Variants in CDYL observed in about 807,000 individuals in gnomAD.
CDYL encodes chromodomain Y-like protein.
Under a neutral mutation model 47.3 loss-of-function variants are expected in CDYL, and 8 were observed. The ratio of observed to expected loss-of-function variants is 0.17; its 90% confidence interval spans 0.10 to 0.31. The LOEUF is 0.31. CDYL is among the 10% of genes least tolerant of loss of function. The probability of loss-of-function intolerance (pLI) is 1.00; values close to 1 mark genes in which losing one functional copy is unlikely to be tolerated. For missense variants in CDYL, 471 were observed against 701.4 expected, an observed-to-expected ratio of 0.67 and a Z score of 3.71; for synonymous variants, 266 against 265.0, an observed-to-expected ratio of 1.00 and a Z score of -0.04.
At chr6:4,769,146 T>C (rs1291837689) in intron 3 of CDYL, among the ~76,000 whole-genome samples, 2 of 152,108 alleles carry the variant, frequency 1.3e-5, no homozygotes, top group East Asian at 3.9e-4. Context: ...AAAAGAAAAT[T>C]AGGTAAAAAC....
chr6:4,852,394 C>CA (rs1760860838), intron 1 of CDYL, among the ~76,000 whole-genome samples: 1 of 130,040 alleles, frequency 7.7e-6, no homozygotes, highest in African/African-American at 3.9e-5. Flanking sequence ...ATCTTCCTTC[C>CA]TTCCTCCTTC....
intron 2 of CDYL, among the ~76,000 whole-genome samples, chr6:4,934,995 C>T (rs1412267573): frequency 6.6e-6 from 1 of 152,206 alleles, no homozygotes; most frequent in Non-Finnish European, 1.5e-5. Context: ...TCCTGAGTGT[C>T]CCACAGGGGT....
chr6:4,715,897 A>T (rs938837764), intron 2 of CDYL: 3 of 1,611,302 alleles, frequency 1.9e-6, no homozygotes, highest in Non-Finnish European at 1.7e-6. Flanking sequence ...AACTTGCAGG[A>T]ATCAAATTAG....
chr6:4,747,940 C>T (rs545977889), intron 3 of CDYL, among the ~76,000 whole-genome samples: 5 of 152,290 alleles, frequency 3.3e-5, no homozygotes, highest in Non-Finnish European at 4.4e-5. Flanking sequence ...AGAGAAATGT[C>T]GTACCTTCTC....
chr6:4,787,655 C>T (rs1229641159), intron 1 of CDYL, among the ~76,000 whole-genome samples: 1 of 151,698 alleles, frequency 6.6e-6, no homozygotes, highest in Non-Finnish European at 1.5e-5. Flanking sequence ...CTGAGCTGGG[C>T]AGCTTCATGG....
At chr6:4,813,643 G>A (rs1759588165) in intron 1 of CDYL, among the ~76,000 whole-genome samples, 2 of 152,352 alleles carry the variant, frequency 1.3e-5, no homozygotes, top group Middle Eastern at 3.4e-3. Context: ...ATGTGCACAT[G>A]CTGTTCTGGT....
intron 2 of CDYL, among the ~76,000 whole-genome samples, chr6:4,915,345 G>C (rs1757526898): frequency 6.6e-6 from 1 of 152,124 alleles, no homozygotes; most frequent in Non-Finnish European, 1.5e-5. Flanking sequence ...GGGTTGTTTT[G>C]GGTGTTTGAT....
At chr6:4,762,523 A>C (rs1339370135) in intron 3 of CDYL, among the ~76,000 whole-genome samples, 1 of 152,040 alleles carries the variant, frequency 6.6e-6, no homozygotes, top group Non-Finnish European at 1.5e-5. Context: ...ACTTCAAACT[A>C]ATGATCTTAT....
At chr6:4,716,788 C>A (rs1757273559) in intron 2 of CDYL, among the ~76,000 whole-genome samples, 1 of 151,914 alleles carries the variant, frequency 6.6e-6, no homozygotes, top group African/African-American at 2.4e-5. Context: ...GTTGGGTGCA[C>A]AAAAAGCATG....
chr6:4,728,001 G>A (rs980022224), intron 2 of CDYL, among the ~76,000 whole-genome samples: 1 of 152,178 alleles, frequency 6.6e-6, no homozygotes, highest in African/African-American at 2.4e-5. Flanking sequence ...GTCGACAGAA[G>A]CCATTTGTTG....
chr6:4,759,940 AGAAAAGAAAGAAAG>A (rs1758148155), intron 3 of CDYL, among the ~76,000 whole-genome samples: 1 of 116,536 alleles, frequency 8.6e-6, no homozygotes, highest in African/African-American at 3.4e-5. Context: ...AAGAAAGAAA[AGAAAAGAAAGAAAG>A]AAAAAAGAAA....
Position 4,825,848 on chromosome 6 carries a change from CAA to C in CDYL, c.24+49058_24+49059del, listed in dbSNP as rs34591908. ...TCATTTATACATACACCTAGAATGG[CAA>C]AAAAAAAAAAAAAAAAGAGAGTCAC... is the stretch of plus-strand genomic sequence containing the variant. On this transcript the variant is annotated intron_variant, in intron 1 of 6. Transcript: ENST00000397588. Among the ~76,000 whole-genome samples the C allele has an allele frequency of 2.8e-3, 278 of 98,760 alleles. 1 individual carries two copies. The highest frequency in any genetic ancestry group is 0.012 in the Middle Eastern group (2 of 164). 64.8% of individuals were successfully genotyped at this position (98,760 alleles called of 152,430 possible). A position where few individuals can be genotyped will look rare whatever the true frequency, so the allele number is the denominator to read the frequency against.
chr6:4,793,334 C>T (rs978321970), intron 1 of CDYL, among the ~76,000 whole-genome samples: 73 of 152,232 alleles, frequency 4.8e-4, no homozygotes, highest in African/African-American at 1.5e-3. Context: ...TAGTGAGAAT[C>T]GGAGTGCTAG....
At chr6:4,746,055 A>G (rs1290694827) in intron 3 of CDYL, among the ~76,000 whole-genome samples, 1 of 151,956 alleles carries the variant, frequency 6.6e-6, no homozygotes, top group Admixed American at 6.6e-5. Context: ...GGGACATCCA[A>G]TGCATGCTTT....
chr6:4,745,529 G>A (rs530177685), intron 3 of CDYL, among the ~76,000 whole-genome samples: 13 of 152,048 alleles, frequency 8.5e-5, no homozygotes, highest in South Asian at 2.1e-4. Flanking sequence ...ATCACTTGAG[G>A]TCAGGAATTC....
At chr6:4,819,162 C>CTCTCTCTCTCTCTGTGTGTG (rs1016051589) in intron 1 of CDYL, among the ~76,000 whole-genome samples, 20 of 111,992 alleles carry the variant, frequency 1.8e-4, no homozygotes, top group African/African-American at 9.1e-4. Flanking sequence ...CTCTCTCTCT[C>CTCTCTCTCTCTCTGTGTGTG]TGTGTGTGTG....
chr6:4,795,303 A>G (rs1054827723), intron 1 of CDYL, among the ~76,000 whole-genome samples: 5 of 152,082 alleles, frequency 3.3e-5, no homozygotes, highest in Non-Finnish European at 7.4e-5. Flanking sequence ...TTCTGGGATA[A>G]ATGTGACTCT....
chr6:4,714,629 G>C (rs1378253636), intron 1 of CDYL: 2 of 152,248 alleles, frequency 1.3e-5, no homozygotes, highest in African/African-American at 2.4e-5. Flanking sequence ...CAGCTACCCT[G>C]AACATTCCCT....
At chr6:4,919,532 C>T (rs946463932) in intron 2 of CDYL, among the ~76,000 whole-genome samples, 1 of 152,180 alleles carries the variant, frequency 6.6e-6, no homozygotes, top group African/African-American at 2.4e-5. Flanking sequence ...CCACGATGAG[C>T]ATTTCCGTTG....
Sources: allele counts gnomAD v4.1 joint callset (sites outside exome capture counted in the v4.1 genomes callset), GRCh38; gene constraint gnomAD v4.1.1; transcripts MANE v1.5; gene names NCBI Gene and HGNC (gene_info 2026-07-23, HGNC 2026-07-21).